GIGYF2: variants seen among roughly 807,000 people sequenced by gnomAD.
GIGYF2 encodes the protein GRB10-interacting GYF protein 2.
Under a neutral mutation model 208.1 loss-of-function variants are expected in GIGYF2, and 25 were observed. The observed-to-expected ratio is 0.12, with a 90% confidence interval of 0.09 to 0.17. The LOEUF is 0.17. GIGYF2 is among the 10% of genes least tolerant of loss of function. The pLI, the probability that GIGYF2 is intolerant of heterozygous loss-of-function variation, is 1.00. For synonymous variants in GIGYF2, 534 were observed against 543.8 expected, an observed-to-expected ratio of 0.98 and a Z score of 0.25; for missense variants, 1,302 against 1,579.4, an observed-to-expected ratio of 0.82 and a Z score of 2.98.
At chr2:232,810,233 C>G (rs765582316) in intron 16 of GIGYF2, 13 of 176,966 alleles carry the variant, frequency 7.3e-5, no homozygotes, top group African/African-American at 1.2e-4. Context: ...AGTGATCTGC[C>G]TGCCTCGCCT....
chr2:232,750,150 A>C (rs1429873951), intron 5 of GIGYF2, among the ~76,000 whole-genome samples: 1 of 151,814 alleles, frequency 6.6e-6, no homozygotes, highest in East Asian at 1.9e-4. Context: ...GCATCACTGC[A>C]CTCCAGCCTG....
chr2:232,717,627 C>T (rs1424265500), intron 2 of GIGYF2, among the ~76,000 whole-genome samples: 1 of 152,172 alleles, frequency 6.6e-6, no homozygotes, highest in Non-Finnish European at 1.5e-5. Context: ...TTATTTGGCT[C>T]ATGGTTCTGT....
chr2:232,845,882 G>C lies in GIGYF2; in HGVS notation c.3456G>C (p.Leu1152Phe). Residue 1152 changes from leucine (L) to phenylalanine (F), a missense_variant, in exon 26 of 29, where the codon TTG becomes TTC. Transcript: ENST00000373563. Reference sequence around the variant, plus strand: ...ATGCCCTTAATACGGCAAATAACTTGGATGGTAAGAATTGGGGAGGGAAAC... The same window carrying C: ...ATGCCCTTAATACGGCAAATAACTTCGATGGTAAGAATTGGGGAGGGAAAC... ...MLHALNTANN[L>F]DVPTFVSFLK... 6.3e-7 allele frequency: 1 copy of C among 1,598,570 alleles called. No homozygotes were observed. The highest frequency in any genetic ancestry group is 8.6e-7 in the Non-Finnish European group (1 of 1,166,004).
At chr2:232,727,832 G>A (rs191637825) in intron 2 of GIGYF2, among the ~76,000 whole-genome samples, 1 of 152,236 alleles carries the variant, frequency 6.6e-6, no homozygotes, top group East Asian at 1.9e-4. Context: ...TCAACTCTAG[G>A]TCTTTTGGAT....
intron 8 of GIGYF2, among the ~76,000 whole-genome samples, chr2:232,773,240 G>C (rs752693142): frequency 6.6e-6 from 1 of 152,086 alleles, no homozygotes; most frequent in Non-Finnish European, 1.5e-5. Flanking sequence ...TGTTTTAGGA[G>C]ACCTGATCTC....
chr2:232,707,233 C>T (rs1559372304), intron 2 of GIGYF2, among the ~76,000 whole-genome samples: 2 of 152,090 alleles, frequency 1.3e-5, no homozygotes, highest in African/African-American at 2.4e-5. Flanking sequence ...GGGAACAAAG[C>T]GCCTTTTATT....
At chr2:232,737,284 A>T (rs146516410) in intron 3 of GIGYF2, among the ~76,000 whole-genome samples, 18 of 152,226 alleles carry the variant, frequency 1.2e-4, no homozygotes, top group Non-Finnish European at 2.2e-4. Context: ...GTTTTGTTTG[A>T]TGGTATTTCA....
At chr2:232,742,379 A>G (rs1402537061) in intron 3 of GIGYF2, among the ~76,000 whole-genome samples, 1 of 152,146 alleles carries the variant, frequency 6.6e-6, no homozygotes, top group Non-Finnish European at 1.5e-5. Context: ...CATCTCTACT[A>G]AAAATACAAA....
intron 21 of GIGYF2, among the ~76,000 whole-genome samples, chr2:232,821,274 CT>C (rs1701073289): frequency 6.6e-6 from 1 of 152,210 alleles, no homozygotes; most frequent in African/African-American, 2.4e-5. Flanking sequence ...GCCATCTTGA[CT>C]TACTGCAGCC....
At chr2:232,808,207 A>G (rs2106381671) in intron 15 of GIGYF2, among the ~76,000 whole-genome samples, 1 of 152,364 alleles carries the variant, frequency 6.6e-6, no homozygotes, top group South Asian at 2.1e-4. Flanking sequence ...TTAAGTCACA[A>G]GAAAAATTAT....
At chr2:232,812,806 A>C (rs907342920) in intron 18 of GIGYF2, among the ~76,000 whole-genome samples, 2 of 152,162 alleles carry the variant, frequency 1.3e-5, no homozygotes, top group Non-Finnish European at 2.9e-5. Context: ...AAGCATACAT[A>C]AAAACATAGT....
intron 8 of GIGYF2, among the ~76,000 whole-genome samples, chr2:232,785,625 C>T (rs1699885224): frequency 6.6e-6 from 1 of 152,192 alleles, no homozygotes; most frequent in African/African-American, 2.4e-5. Flanking sequence ...CCACAGAGAT[C>T]AGCAGTCAGG....
chr2:232,820,811 T>C (rs1047785802), intron 21 of GIGYF2, among the ~76,000 whole-genome samples: 4 of 151,984 alleles, frequency 2.6e-5, no homozygotes, highest in Admixed American at 6.6e-5. Context: ...TATTCTCTTT[T>C]TGGTTTCTTT....
chr2:232,826,943 A>C (rs1037802671), intron 21 of GIGYF2, among the ~76,000 whole-genome samples: 1 of 152,236 alleles, frequency 6.6e-6, no homozygotes, highest in African/African-American at 2.4e-5. Context: ...TCAAAAAAGA[A>C]TACAACTCCT....
At chr2:232,843,226 T>G (rs1001633022) in intron 23 of GIGYF2, among the ~76,000 whole-genome samples, 1 of 151,596 alleles carries the variant, frequency 6.6e-6, no homozygotes, top group Non-Finnish European at 1.5e-5. Context: ...TAAACATGTG[T>G]TTTATTTCTG....
chr2:232,824,694 T>G (rs1701196520), intron 21 of GIGYF2, among the ~76,000 whole-genome samples: 1 of 152,256 alleles, frequency 6.6e-6, no homozygotes, highest in South Asian at 2.1e-4. Context: ...CCAGATGCCC[T>G]ACTTAAGATC....
chr2:232,820,908 G>A (rs1162349516), intron 21 of GIGYF2, among the ~76,000 whole-genome samples: 2 of 151,664 alleles, frequency 1.3e-5, no homozygotes, highest in African/African-American at 4.9e-5. Context: ...TTGGCTTACT[G>A]CAACCTCCAC....
In GIGYF2 at chr2:232,819,939, G is replaced by A; in HGVS notation, c.2483G>A (p.Arg828Lys). 3.8e-6 allele frequency: 6 copies of A among 1,596,488 alleles called. No individual in the cohort carries two copies. Among genetic ancestry groups the A allele is most frequent in the Non-Finnish European group, 5.2e-6 (6 of 1,163,956 alleles). The stretch of plus-strand genomic sequence containing the variant: ...CTTAGAAGACTGGAAGAGAGGAGAA[G>A]AGAAGAGGAAGAAAGGCGGAAGCAG... ...EALRRLEERR[R>K]EEEERRKQEE... Residue 828 changes from arginine (R) to lysine (K), a missense_variant, in exon 21 of 29, where the codon AGA becomes AAA. By Grantham distance (26) the Arg-to-Lys change is conservative. This residue lies in a region of GIGYF2 where 701 missense variants were observed against 793.0 expected (regional missense o/e 0.88). Transcript: ENST00000373563.
At chr2:232,848,360 A>G (rs1015324487) in intron 27 of GIGYF2, among the ~76,000 whole-genome samples, 1 of 152,110 alleles carries the variant, frequency 6.6e-6, no homozygotes, top group Admixed American at 6.6e-5. Context: ...ACACAGCGAA[A>G]TCTGGTGGCT....
Sources: allele counts gnomAD v4.1 joint callset (sites outside exome capture counted in the v4.1 genomes callset), GRCh38; gene constraint gnomAD v4.1.1; regional missense constraint gnomAD v4.1.1; transcripts MANE v1.5; gene names NCBI Gene and HGNC (gene_info 2026-07-23, HGNC 2026-07-21).